The following NRXN1 variants were observed in gnomAD, a reference collection of about 807,000 sequenced individuals.
NRXN1 encodes the protein neurexin 1, also known as neurexin-1.
In NRXN1, 39 loss-of-function variants were observed where a neutral mutation model predicts 150.9. The ratio of observed to expected loss-of-function variants is 0.26; its 90% confidence interval spans 0.20 to 0.34. The LOEUF (loss-of-function observed/expected upper bound fraction) is 0.34, where lower values mean the gene tolerates loss of function less well. NRXN1 is among the 10% of genes least tolerant of loss of function. NRXN1 has a pLI of 1.00. For synonymous variants in NRXN1, 924 were observed against 757.0 expected (o/e 1.22, Z -3.62); for missense variants, 1,815 against 1,949.9 (o/e 0.93, Z 1.30).
chr2:50,329,653 ATATATATATATATATATATATTTTTT>A (rs2076681926), intron 17 of NRXN1, among the ~76,000 whole-genome samples: 3 of 13,790 alleles, frequency 2.2e-4, no homozygotes, highest in African/African-American at 7.4e-4. Flanking sequence ...ATATATATAT[ATATATATATATATATATATATTTTTT>A]TTTTTCCCCC....
intron 12 of NRXN1, among the ~76,000 whole-genome samples, chr2:50,522,482 G>A (rs192403054): frequency 6.6e-6 from 1 of 152,096 alleles, no homozygotes; most frequent in Non-Finnish European, 1.5e-5. Context: ...AACTGCACAA[G>A]AGTAGTTTTT....
At chr2:50,094,442 G>A (rs1699958222) in intron 18 of NRXN1, among the ~76,000 whole-genome samples, 1 of 152,170 alleles carries the variant, frequency 6.6e-6, no homozygotes, top group South Asian at 2.1e-4. Flanking sequence ...TCAAGTGCAG[G>A]AGAAAGGGAC....
chr2:50,102,321 T>C (rs536741301), intron 18 of NRXN1, among the ~76,000 whole-genome samples: 1 of 152,150 alleles, frequency 6.6e-6, no homozygotes, highest in Admixed American at 6.6e-5. Context: ...ACTCATCCCA[T>C]GACTCAAAAC....
chr2:50,523,977 T>C (rs948363375), intron 12 of NRXN1, among the ~76,000 whole-genome samples: 7 of 152,208 alleles, frequency 4.6e-5, no homozygotes, highest in Non-Finnish European at 1.0e-4. Flanking sequence ...AGAGTTTTTA[T>C]TCTTCTAAGA....
chr2:50,457,681 T>C (rs1023598477), intron 17 of NRXN1, among the ~76,000 whole-genome samples: 17 of 151,922 alleles, frequency 1.1e-4, no homozygotes, highest in African/African-American at 3.9e-4. Context: ...AAAGAAGACA[T>C]ATAAATGGTC....
At chr2:50,823,780 C>G (rs748099745) in intron 5 of NRXN1, among the ~76,000 whole-genome samples, 5 of 152,058 alleles carry the variant, frequency 3.3e-5, no homozygotes, top group Admixed American at 1.3e-4. Context: ...AGTAAGCACA[C>G]AAAATGAAGG....
rs151170342 is a variant in NRXN1 at position 50,781,917 on chromosome 2, T to G, written c.832+139952A>C. Among the ~76,000 whole-genome samples, 721 of 152,322 alleles carry G rather than the reference T, an allele frequency of 4.7e-3. 8 individuals carry two copies. Among genetic ancestry groups the G allele is most frequent in the Middle Eastern group, 0.024 (7 of 294 alleles). On this transcript the variant is annotated intron_variant, in intron 5 of 22. Transcript: ENST00000401669. ...GCTATTAACTCCATCCTCACAGAAC[T>G]AGTAAAAGGTGCTTTTGTCACTGCA...
chr2:50,226,335 G>A (rs2064374235), intron 18 of NRXN1, among the ~76,000 whole-genome samples: 1 of 151,950 alleles, frequency 6.6e-6, no homozygotes, highest in African/African-American at 2.4e-5. Flanking sequence ...GTGAGGATTT[G>A]AAATATCAGC....
intron 17 of NRXN1, among the ~76,000 whole-genome samples, chr2:50,349,160 G>C (rs200983475): frequency 6.6e-6 from 1 of 152,096 alleles, no homozygotes; most frequent in Admixed American, 6.5e-5. Context: ...TTTATTTTAT[G>C]ATACTAAAAG....
Position 51,027,623 on chromosome 2 carries a change from G to A in NRXN1, c.651C>T (p.Cys217=), listed in dbSNP as rs1300702138. Residue 217 remains cysteine (C), a synonymous_variant, in exon 2 of 23, where the codon TGC becomes TGT. Coordinates refer to ENST00000401669, the MANE Select transcript of NRXN1 (RefSeq NM_001330078.2). ...EPPNSGGGSP[C]EAGEEGEGGV... is the part of the protein sequence containing the mutation. ...CGCCCTCGCCCTCCTCGCCCGCCTC[G>A]CACGGGCTTCCCCCGCCGCTGTTGG... is the stretch of plus-strand genomic sequence containing the variant. The A allele has an allele frequency of 1.2e-5, 19 of 1,584,736 alleles. No individual in the cohort carries two copies. Among genetic ancestry groups the A allele is most frequent in the South Asian group, 3.4e-5 (3 of 87,770 alleles).
At chr2:50,302,571 G>A (rs1474395377) in intron 17 of NRXN1, among the ~76,000 whole-genome samples, 7 of 152,196 alleles carry the variant, frequency 4.6e-5, no homozygotes, top group South Asian at 4.1e-4. Context: ...TTTGGAAAGC[G>A]TGTTGCAGTT....
chr2:50,173,797 A>T (rs529000352), intron 18 of NRXN1, among the ~76,000 whole-genome samples: 126 of 152,250 alleles, frequency 8.3e-4, no homozygotes, highest in Non-Finnish European at 1.5e-3. Context: ...TTGATATATT[A>T]AATTAATGTT....
intron 2 of NRXN1, among the ~76,000 whole-genome samples, chr2:50,974,672 CCTAT>C (rs1695546440): frequency 1.3e-5 from 2 of 151,830 alleles, no homozygotes. Context: ...AGCTTTTATC[CCTAT>C]CTGTTTTTTT....
intron 5 of NRXN1, among the ~76,000 whole-genome samples, chr2:50,738,745 G>A (rs916996850): frequency 2.0e-5 from 3 of 152,074 alleles, no homozygotes; most frequent in South Asian, 4.1e-4. Context: ...TGAGGCTCTC[G>A]GATATACTAA....
At chr2:50,000,695 T>G (rs1318450148) in intron 21 of NRXN1, among the ~76,000 whole-genome samples, 1 of 152,190 alleles carries the variant, frequency 6.6e-6, no homozygotes, top group Non-Finnish European at 1.5e-5. Context: ...TCATTTCTCT[T>G]GTTAACAGGA....
chr2:50,980,649 C>A (rs1267977602), intron 2 of NRXN1, among the ~76,000 whole-genome samples: 1 of 151,962 alleles, frequency 6.6e-6, no homozygotes, highest in Non-Finnish European at 1.5e-5. Context: ...AATAAATGTA[C>A]ACAATAATGC....
intron 17 of NRXN1, among the ~76,000 whole-genome samples, chr2:50,388,677 A>G (rs1448752661): frequency 6.6e-6 from 1 of 152,102 alleles, no homozygotes; most frequent in African/African-American, 2.4e-5. Flanking sequence ...CCATTCAATT[A>G]TATTGAAATT....
chr2:50,334,079 T>C (rs925210276), intron 17 of NRXN1, among the ~76,000 whole-genome samples: 2 of 151,560 alleles, frequency 1.3e-5, no homozygotes, highest in African/African-American at 4.9e-5. Flanking sequence ...CATTCAAGGA[T>C]ATGCTCCTCT....
At chr2:50,651,429 A>C (rs1040505732) in intron 5 of NRXN1, among the ~76,000 whole-genome samples, 8 of 151,884 alleles carry the variant, frequency 5.3e-5, no homozygotes, top group Non-Finnish European at 1.0e-4. Flanking sequence ...CCTGGGAAAT[A>C]TAGTGAGACC....
Sources: gnomAD v4.1 joint callset for allele counts (sites outside exome capture counted in the v4.1 genomes callset) on GRCh38, gnomAD v4.1.1 for gene constraint, MANE v1.5 for transcripts, NCBI Gene and HGNC (gene_info 2026-07-23, HGNC 2026-07-21) for gene names.